Variants in NOX3 observed in about 807,000 individuals in gnomAD.
NOX3 encodes NADPH oxidase catalytic subunit-like 3.
Under a neutral mutation model 76.7 loss-of-function variants are expected in NOX3, and 74 were observed. The observed-to-expected ratio is 0.96, with a 90% CI of 0.80 to 1.17. The LOEUF (loss-of-function observed/expected upper bound fraction) is 1.17. Among genes scored for constraint, NOX3 ranks in the 50% most tolerant of loss-of-function variants. NOX3 has a pLI of 0.00. For synonymous variants in NOX3, 263 were observed against 261.1 expected, an observed-to-expected ratio of 1.01 and a Z score of -0.07; for missense variants, 695 against 703.3, an observed-to-expected ratio of 0.99 and a Z score of 0.13.
At chr6:155,438,417 G>T (rs937282178) in intron 6 of NOX3, among the ~76,000 whole-genome samples, 1 of 152,216 alleles carries the variant, frequency 6.6e-6, no homozygotes, top group Non-Finnish European at 1.5e-5. Context: ...GGACTGACCC[G>T]GTTACTAAGG....
chr6:155,433,571 T>A (rs144544715), intron 7 of NOX3, among the ~76,000 whole-genome samples: 1 of 152,298 alleles, frequency 6.6e-6, no homozygotes, highest in African/African-American at 2.4e-5. Flanking sequence ...ATTATTTAGT[T>A]CCCTCCAAGC....
At chr6:155,397,153 T>C (rs1215352674) in intron 12 of NOX3, among the ~76,000 whole-genome samples, 191 bp from the exon 13 acceptor site, 1 of 150,066 alleles carries the variant, frequency 6.7e-6, no homozygotes, top group Non-Finnish European at 1.5e-5. Flanking sequence ...GTTCCCAGCA[T>C]CCTCCCCTAA....
intron 4 of NOX3, among the ~76,000 whole-genome samples, chr6:155,444,131 T>C (rs1476335811): frequency 6.6e-6 from 1 of 152,222 alleles, no homozygotes; most frequent in Non-Finnish European, 1.5e-5. Flanking sequence ...ATTTTCTGTT[T>C]ATTCCTTTCC....
At chr6:155,434,658 A>T (rs538951977) in intron 7 of NOX3, among the ~76,000 whole-genome samples, 1 of 152,286 alleles carries the variant, frequency 6.6e-6, no homozygotes, top group South Asian at 2.1e-4. Context: ...GTCTTCATAT[A>T]TTTTTACAAA....
At chr6:155,439,559 T>C in intron 6 of NOX3, among the ~76,000 whole-genome samples, 1 of 152,182 alleles carries the variant, frequency 6.6e-6, no homozygotes, top group African/African-American at 2.4e-5. Flanking sequence ...GCCCGAACAG[T>C]GGGTTTCCTA....
chr6:155,414,573 AT>A (rs1340691836), intron 10 of NOX3, among the ~76,000 whole-genome samples: 3 of 131,160 alleles, frequency 2.3e-5, no homozygotes, highest in Admixed American at 7.4e-5. Flanking sequence ...TAATAAAATT[AT>A]TTTTTTTTAC....
intron 12 of NOX3, among the ~76,000 whole-genome samples, chr6:155,403,622 G>T (rs544765186): frequency 6.6e-6 from 1 of 152,118 alleles, no homozygotes; most frequent in African/African-American, 2.4e-5. Flanking sequence ...GTACGTTTCC[G>T]CACTTCACTT....
rs2294672 is a variant in NOX3, at chr6:155,408,954, G to C, written c.1456-1700C>G. Among the ~76,000 whole-genome samples the C allele has an allele frequency of 8.6e-4, 130 of 151,538 alleles. 1 individual carries two copies. Among genetic ancestry groups the C allele is most frequent in the East Asian group, 5.5e-3 (28 of 5,118 alleles). On this transcript the variant is annotated intron_variant, in intron 11 of 13. Transcript: ENST00000159060. Reference sequence around the variant, plus strand: ...TAACAGGCACTGGGGGCTCCAAAAGGGGGGGAGGGTGAGAAGGGAGTGAGG... The same window carrying C: ...TAACAGGCACTGGGGGCTCCAAAAGCGGGGGAGGGTGAGAAGGGAGTGAGG...
intron 8 of NOX3, among the ~76,000 whole-genome samples, chr6:155,430,295 C>T (rs952502508): frequency 1.3e-5 from 2 of 152,078 alleles, no homozygotes; most frequent in African/African-American, 4.8e-5. Flanking sequence ...GGGAGCAAGA[C>T]TGAAAAATGC....
At chr6:155,435,625 T>C (rs2071921487) in intron 7 of NOX3, among the ~76,000 whole-genome samples, 1 of 152,222 alleles carries the variant, frequency 6.6e-6, no homozygotes, top group Non-Finnish European at 1.5e-5. Context: ...TGTTATTCCA[T>C]GTTTTAAGTG....
In NOX3 at chr6:155,411,296, G is replaced by A; in HGVS notation, c.1373C>T (p.Ser458Phe). ...AFEWFADLLL[S>F]LETRMSEQGK... ...CTGCTCACTCATCCGTGTTTCCAGG[G>A]AGAGTAAGAGATCAGCAAACCACTC... is the stretch of plus-strand genomic sequence containing the variant. The change falls in exon 11 of 14, where the codon TCC becomes TTC. Residue 458 changes from serine to phenylalanine, a missense_variant. By Grantham distance (155) the Ser-to-Phe change is radical (BLOSUM62 -2). Transcript: ENST00000159060. The A allele has an allele frequency of 6.2e-7, 1 of 1,613,930 alleles. No individual in the cohort carries two copies. The highest frequency in any genetic ancestry group is 1.1e-5 in the South Asian group (1 of 91,064).
chr6:155,416,744 CTTT>C (rs534711414), intron 10 of NOX3, among the ~76,000 whole-genome samples: 26 of 92,526 alleles, frequency 2.8e-4, no homozygotes, highest in African/African-American at 9.1e-4. Context: ...CTGAAACATT[CTTT>C]TTTTTTTTTT....
intron 12 of NOX3, among the ~76,000 whole-genome samples, chr6:155,405,201 G>C (rs570896891): frequency 6.6e-5 from 10 of 152,166 alleles, no homozygotes; most frequent in Non-Finnish European, 1.5e-4. Flanking sequence ...TGGGAACATC[G>C]CCGGGGATAT....
At chr6:155,405,857 C>T (rs1776450473) in intron 12 of NOX3, among the ~76,000 whole-genome samples, 1 of 152,236 alleles carries the variant, frequency 6.6e-6, no homozygotes, top group Non-Finnish European at 1.5e-5. Context: ...CATTCTCTTG[C>T]AGAGTGATCC....
At chr6:155,432,376 C>T (rs1168998153) in intron 7 of NOX3, among the ~76,000 whole-genome samples, 2 of 142,822 alleles carry the variant, frequency 1.4e-5, no homozygotes, top group African/African-American at 2.6e-5. Context: ...TTTTCTAAAT[C>T]CACCACCTTA....
At chr6:155,413,925 G>A (rs1158660913) in intron 10 of NOX3, among the ~76,000 whole-genome samples, 1 of 152,144 alleles carries the variant, frequency 6.6e-6, no homozygotes, top group Non-Finnish European at 1.5e-5. Flanking sequence ...GTCCTTTCTT[G>A]AAAACTATCC....
intron 7 of NOX3, among the ~76,000 whole-genome samples, chr6:155,433,274 C>T (rs993101015): frequency 6.6e-6 from 1 of 152,170 alleles, no homozygotes; most frequent in South Asian, 2.1e-4. Context: ...CTGTGTTGTG[C>T]CTGGAGCCCC....
chr6:155,405,041 C>T (rs868051843), intron 12 of NOX3, among the ~76,000 whole-genome samples: 1 of 152,050 alleles, frequency 6.6e-6, no homozygotes, highest in East Asian at 1.9e-4. Flanking sequence ...GCCAAAATGA[C>T]CATAAGATAA....
chr6:155,408,993 C>T (rs769255630), intron 11 of NOX3, among the ~76,000 whole-genome samples: 1 of 152,096 alleles, frequency 6.6e-6, no homozygotes, highest in Non-Finnish European at 1.5e-5. Flanking sequence ...GACAAAGAAC[C>T]TACTGGGTAT....
Sources: gnomAD v4.1 joint callset for allele counts (sites outside exome capture counted in the v4.1 genomes callset) on GRCh38, gnomAD v4.1.1 for gene constraint, MANE v1.5 for transcripts, NCBI Gene and HGNC (gene_info 2026-07-23, HGNC 2026-07-21) for gene names.